ZC3H13: variants seen among roughly 807,000 people sequenced by gnomAD.
The protein encoded by ZC3H13 is zinc finger CCCH domain-containing protein 13.
In ZC3H13, 64 loss-of-function variants were observed where a neutral mutation model predicts 204.1. The observed-to-expected ratio is 0.31, with a 90% CI of 0.26 to 0.39. ZC3H13 has a LOEUF of 0.39. Ranked by LOEUF, ZC3H13 falls within the 10% of genes least tolerant of loss-of-function variation. ZC3H13 has a pLI of 1.00. For missense variants in ZC3H13, 1,833 were observed against 2,082.7 expected (o/e 0.88, Z 2.33); for synonymous variants, 667 against 693.7 (o/e 0.96, Z 0.60).
chr13:45,977,211 T>C, intron 11 of ZC3H13, among the ~76,000 whole-genome samples: 1 of 152,186 alleles, frequency 6.6e-6, no homozygotes, highest in Non-Finnish European at 1.5e-5. Context: ...TACCATACTT[T>C]GGATTCCTAG....
At chr13:45,959,791 C>T (rs1951541077) in intron 17 of ZC3H13, 145 bp from the exon 18 acceptor site, 5 of 858,634 alleles carry the variant, frequency 5.8e-6, no homozygotes, top group Non-Finnish European at 3.3e-6. Flanking sequence ...GCAATATATT[C>T]TCTGTGAAGC....
chr13:45,984,181 T>C (rs545619267), intron 10 of ZC3H13, among the ~76,000 whole-genome samples: 19 of 152,346 alleles, frequency 1.2e-4, no homozygotes, highest in East Asian at 3.9e-4. Flanking sequence ...AAACAGTACA[T>C]AGTTTTTTCC....
At chr13:46,029,074 A>G (rs1485364416) in intron 4 of ZC3H13, among the ~76,000 whole-genome samples, 1 of 152,164 alleles carries the variant, frequency 6.6e-6, no homozygotes, top group Non-Finnish European at 1.5e-5. Flanking sequence ...ATTAAGAAAA[A>G]AAGAGAGAAG....
intron 17 of ZC3H13, chr13:45,962,668 A>T (rs1951775097): frequency 3.7e-5 from 36 of 980,038 alleles, no homozygotes; most frequent in Non-Finnish European, 4.4e-5. Context: ...ATGCTAATAG[A>T]GTAAAGGAAG....
rs113047765 is a variant in ZC3H13 at position 45,955,836 on chromosome 13, A to G, written c.*1291T>C. On this transcript the variant is annotated 3_prime_UTR_variant, in exon 19 of 19. Transcript: ENST00000679008. ...ATCTTGTATAAAGTAACTTTACAACATATGTTTCTTGAACAGAAACTTTAC... is the reference window on the plus strand; with the variant it reads ...ATCTTGTATAAAGTAACTTTACAACGTATGTTTCTTGAACAGAAACTTTAC... 6.6e-6 allele frequency: 1 copy of G among 152,172 alleles called. No individual in the cohort carries two copies. Among genetic ancestry groups the G allele is most frequent in the Admixed American group, 6.5e-5 (1 of 15,288 alleles). The allele number at this position is 152,172 out of a possible 1,614,324, so 9.4% of individuals were successfully genotyped here.
At chr13:46,044,934 A>C in intron 3 of ZC3H13, 21 bp downstream of exon 3, 5 of 1,575,126 alleles carry the variant, frequency 3.2e-6, no homozygotes, top group Non-Finnish European at 4.3e-6. Context: ...GTACATGAAC[A>C]ATACAAAGTT....
At chr13:46,015,263 AT>A (rs2041842317) in intron 5 of ZC3H13, among the ~76,000 whole-genome samples, 1 of 152,090 alleles carries the variant, frequency 6.6e-6, no homozygotes, top group Non-Finnish European at 1.5e-5. Context: ...TTGAGCATTT[AT>A]TGGCCAGTTC....
intron 7 of ZC3H13, among the ~76,000 whole-genome samples, chr13:46,008,233 G>T (rs2148414): frequency 0.75 from 113,484 of 151,302 alleles, 43,032 homozygotes; most frequent in African/African-American, 0.85. Context: ...AGTATGTTCT[G>T]AGTTGATAGT....
At position 45,967,536 on chromosome 13, in the gene ZC3H13, G is replaced by T; in HGVS notation, c.4289C>A (p.Thr1430Lys). The change falls in exon 15 of 19, where the codon ACA becomes AAA. Residue 1430 changes from threonine (T) to lysine (K), a missense_variant. Around this residue, in one of 5 missense-constraint regions of ZC3H13, gnomAD observed 1,574 missense variants for 1,757.2 expected, o/e 0.90. Transcript: ENST00000679008. ...ACTCTCAGTTCTCTCGGATTTATTT[G>T]TTTCTTCAAATCCCTGCACAGATCC... Reference protein sequence around the residue: ...DLGSVQGFEETNKSERTESLE... With the variant: ...DLGSVQGFEEKNKSERTESLE... 2 of 1,572,156 alleles carry T rather than the reference G, an allele frequency of 1.3e-6. No homozygotes were observed. The highest frequency in any genetic ancestry group is 1.7e-6 in the Non-Finnish European group (2 of 1,163,184).
intron 17 of ZC3H13, chr13:45,962,301 A>G (rs755692129): frequency 1.8e-4 from 173 of 985,310 alleles, no homozygotes; most frequent in Non-Finnish European, 2.0e-4. Flanking sequence ...TTTACAGTGC[A>G]TATTTTCACT....
At chr13:45,962,736 T>C in intron 17 of ZC3H13, 1 of 984,944 alleles carries the variant, frequency 1.0e-6, no homozygotes, top group Non-Finnish European at 1.2e-6. Context: ...TAGTGAAAAA[T>C]TTAATACTAA....
chr13:46,049,734 C>T (rs187512552), intron 1 of ZC3H13, among the ~76,000 whole-genome samples: 107 of 152,142 alleles, frequency 7.0e-4, no homozygotes, highest in African/African-American at 2.5e-3. Context: ...TGTAGATTTT[C>T]GGGGCGGGAA....
chr13:46,050,857 G>C (rs9526135), intron 1 of ZC3H13, among the ~76,000 whole-genome samples: 117,240 of 151,772 alleles, frequency 0.77, 45,659 homozygotes, highest in African/African-American at 0.86. Flanking sequence ...CATGCTGGTA[G>C]CTACTCTAAA....
At position 45,969,867 on chromosome 13, in the gene ZC3H13, C is replaced by T. The variant is rs1375121815; in HGVS notation, c.2677G>A (p.Asp893Asn). 3 of 1,613,874 alleles carry T rather than the reference C, an allele frequency of 1.9e-6. No individual in the cohort carries two copies. Among genetic ancestry groups the T allele is most frequent in the Non-Finnish European group, 2.5e-6 (3 of 1,179,968 alleles). The change falls in exon 14 of 19, where the codon GAT (aspartate) becomes AAT (asparagine). Residue 893 changes from aspartate (D) to asparagine (N), a missense_variant. This residue lies in a region of ZC3H13 where 1,574 missense variants were observed against 1,757.2 expected (regional missense o/e 0.90). Transcript: ENST00000679008. ...EDRQGRWKEE[D>N]RKPERKESSR... Reference sequence around the variant, plus strand: ...CTCTCTTTCCTTTCTGGTTTACGATCCTCCTCTTTCCATCTACCCTGTCTG... The same window carrying T: ...CTCTCTTTCCTTTCTGGTTTACGATTCTCCTCTTTCCATCTACCCTGTCTG...
At chr13:46,038,701 A>G (rs7996875) in intron 4 of ZC3H13, among the ~76,000 whole-genome samples, 114,097 of 152,168 alleles carry the variant, frequency 0.75, 43,270 homozygotes, top group African/African-American at 0.85. Flanking sequence ...AAAAATGATC[A>G]GTATCTGTTA....
At chr13:45,980,928 T>A (rs1953528050) in intron 10 of ZC3H13, among the ~76,000 whole-genome samples, 1 of 152,162 alleles carries the variant, frequency 6.6e-6, no homozygotes, top group Non-Finnish European at 1.5e-5. Flanking sequence ...ACTCTATGGA[T>A]TGTACCAATG....
At chr13:46,042,013 A>T (rs2043621027) in intron 4 of ZC3H13, 151 bp downstream of exon 4, 2 of 528,496 alleles carry the variant, frequency 3.8e-6, no homozygotes, top group African/African-American at 2.0e-5. Flanking sequence ...TTCCCAGGGG[A>T]CTCTTTCCCT....
At chr13:45,993,068 C>T (rs1013570431) in intron 8 of ZC3H13, among the ~76,000 whole-genome samples, 3 of 151,968 alleles carry the variant, frequency 2.0e-5, no homozygotes, top group African/African-American at 4.8e-5. Context: ...ACTAATACAT[C>T]GAGGGAGGAC....
Position 45,957,661 on chromosome 13 carries a change from C to G in ZC3H13, c.4840-364G>C, listed in dbSNP as rs545521294. Among the ~76,000 whole-genome samples, 15 of 152,284 alleles carry G rather than the reference C, an allele frequency of 9.9e-5. No homozygotes were observed. In the South Asian group the frequency reaches 2.5e-3, roughly 25 times the overall value. ...TTTCTTCCATGTGATGGAATAAAAG[C>G]TCTTCTATGGTGCTACACTGTAATT... On this transcript the variant is annotated intron_variant, in intron 18 of 18. Coordinates refer to ENST00000679008, the MANE Select transcript of ZC3H13 (RefSeq NM_001330564.2).
Sources: allele counts gnomAD v4.1 joint callset (sites outside exome capture counted in the v4.1 genomes callset), GRCh38; gene constraint gnomAD v4.1.1; regional missense constraint gnomAD v4.1.1; transcripts MANE v1.5; gene names NCBI Gene and HGNC (gene_info 2026-07-23, HGNC 2026-07-21).